The following GRM3 variants were observed in gnomAD, a reference collection of about 807,000 sequenced individuals.
GRM3 encodes glutamate metabotropic receptor 3, also known as metabotropic glutamate receptor 3.
GRM3 carries 26 observed loss-of-function variants against 70.5 expected under a neutral mutation model. The ratio of observed to expected loss-of-function variants is 0.37; its 90% CI spans 0.27 to 0.51. The LOEUF is 0.51. Among genes scored for constraint, GRM3 ranks in the 20% least tolerant of loss-of-function variants. The pLI is 0.93. For synonymous variants in GRM3, 443 were observed against 434.9 expected, an observed-to-expected ratio of 1.02 and a Z score of -0.23; for missense variants, 859 against 1,123.8, an observed-to-expected ratio of 0.76 and a Z score of 3.37.
intron 3 of GRM3, among the ~76,000 whole-genome samples, chr7:86,790,690 C>T (rs189058348): frequency 6.6e-6 from 1 of 152,276 alleles, no homozygotes; most frequent in East Asian, 1.9e-4. Flanking sequence ...TCACTCCAGC[C>T]ACCCTTGTTT....
chr7:86,718,222 T>G (rs910910400), intron 1 of GRM3, among the ~76,000 whole-genome samples: 2 of 152,002 alleles, frequency 1.3e-5, no homozygotes, highest in Non-Finnish European at 2.9e-5. Context: ...TTTATCTTGG[T>G]ATCATAAAGC....
At chr7:86,681,769 A>G (rs976950261) in intron 1 of GRM3, among the ~76,000 whole-genome samples, 4 of 152,228 alleles carry the variant, frequency 2.6e-5, no homozygotes, top group African/African-American at 9.6e-5. Flanking sequence ...GATTTCAACA[A>G]GCACAGAAAC....
At chr7:86,849,482 G>A (rs1798718795) in intron 4 of GRM3, among the ~76,000 whole-genome samples, 1 of 152,148 alleles carries the variant, frequency 6.6e-6, no homozygotes, top group Admixed American at 6.5e-5. Flanking sequence ...GGCTTCTCCA[G>A]TTATGTGTTC....
At chr7:86,746,341 T>TTATATATATATATATA (rs59930404) in intron 1 of GRM3, among the ~76,000 whole-genome samples, 142 of 87,342 alleles carry the variant, frequency 1.6e-3, no homozygotes, top group South Asian at 2.6e-3. Flanking sequence ...CAGTCATGTA[T>TTATATATATATATATA]TATATATATA....
At chr7:86,802,169 T>C (rs546130655) in intron 3 of GRM3, among the ~76,000 whole-genome samples, 1 of 152,316 alleles carries the variant, frequency 6.6e-6, no homozygotes, top group African/African-American at 2.4e-5. Flanking sequence ...TAAGTTTAAA[T>C]GTGTCTCAAA....
intron 3 of GRM3, among the ~76,000 whole-genome samples, chr7:86,829,760 C>A (rs903009262): frequency 6.6e-6 from 1 of 152,116 alleles, no homozygotes. Context: ...GATCACAGAT[C>A]ACTATTACAG....
intron 1 of GRM3, among the ~76,000 whole-genome samples, chr7:86,698,520 T>TA (rs1794877844): frequency 1.4e-5 from 2 of 142,160 alleles, no homozygotes; most frequent in African/African-American, 5.4e-5. Flanking sequence ...TAAAAAGTAT[T>TA]TATATATATA....
At chr7:86,843,572 A>G (rs887026964) in intron 4 of GRM3, among the ~76,000 whole-genome samples, 4 of 152,210 alleles carry the variant, frequency 2.6e-5, no homozygotes, top group Non-Finnish European at 5.9e-5. Context: ...GATCTAATAC[A>G]TAGCTTAAAT....
intron 3 of GRM3, among the ~76,000 whole-genome samples, chr7:86,805,341 C>T (rs1248741132): frequency 3.3e-5 from 5 of 151,920 alleles, no homozygotes; most frequent in Admixed American, 6.6e-5. Context: ...AGAGAGTTCC[C>T]ACATACTCCT....
chr7:86,760,989 TATC>T (rs1796466001), intron 1 of GRM3, among the ~76,000 whole-genome samples: 1 of 152,122 alleles, frequency 6.6e-6, no homozygotes, highest in Non-Finnish European at 1.5e-5. Context: ...ACTTAACAAT[TATC>T]ATGTTGAAGG....
At chr7:86,775,020 T>G (rs1305027136) in intron 2 of GRM3, 1 of 152,110 alleles carries the variant, frequency 6.6e-6, no homozygotes, top group African/African-American at 2.4e-5. Flanking sequence ...TACATGTAAC[T>G]CCTTGATCTA....
intron 1 of GRM3, among the ~76,000 whole-genome samples, chr7:86,714,852 C>T (rs997612877): frequency 2.0e-5 from 3 of 151,920 alleles, no homozygotes; most frequent in African/African-American, 4.8e-5. Context: ...GCACTATTCT[C>T]TCTTTAAAGA....
chr7:86,817,718 A>T lies in GRM3; in HGVS notation c.1325-21121A>T, dbSNP rs190242522. Among the ~76,000 whole-genome samples, 4 of 152,148 alleles carry T rather than the reference A, an allele frequency of 2.6e-5. No individual in the cohort carries two copies. The East Asian group carries it at 7.7e-4, about 29-fold the overall frequency. The stretch of plus-strand genomic sequence containing the variant: ...TTTATCCTTGCAGTAATATTAAAGC[A>T]CATACTACATGTGAGGCCCTATACC... On this transcript the variant is annotated intron_variant, in intron 3 of 5. Coordinates refer to ENST00000361669, the MANE Select transcript of GRM3 (RefSeq NM_000840.3).
chr7:86,681,294 G>T (rs1794434440), intron 1 of GRM3, among the ~76,000 whole-genome samples: 3 of 152,142 alleles, frequency 2.0e-5, no homozygotes, highest in Admixed American at 2.0e-4. Context: ...CCACAATTCA[G>T]TGTCTCAGAG....
intron 3 of GRM3, among the ~76,000 whole-genome samples, chr7:86,830,294 G>T (rs1447401650): frequency 6.6e-6 from 1 of 152,130 alleles, no homozygotes; most frequent in Admixed American, 6.5e-5. Context: ...TCTCCCACAA[G>T]GCCCCAGTGA....
intron 3 of GRM3, among the ~76,000 whole-genome samples, chr7:86,790,962 T>A (rs1797399546): frequency 6.6e-6 from 1 of 152,146 alleles, no homozygotes; most frequent in Non-Finnish European, 1.5e-5. Context: ...TACTACATCA[T>A]CTATTACTTT....
intron 3 of GRM3, among the ~76,000 whole-genome samples, chr7:86,813,665 C>T (rs1364883745): frequency 2.0e-5 from 3 of 151,720 alleles, no homozygotes; most frequent in Admixed American, 6.6e-5. Context: ...TAACAGGCCA[C>T]ACATTGGTTC....
intron 2 of GRM3, among the ~76,000 whole-genome samples, chr7:86,771,589 T>A (rs754165507): frequency 1.3e-5 from 2 of 152,076 alleles, no homozygotes; most frequent in Non-Finnish European, 2.9e-5. Flanking sequence ...TAGAACATTA[T>A]CATGTAGTCT....
At chr7:86,805,774 GT>G (rs1434655874) in intron 3 of GRM3, among the ~76,000 whole-genome samples, 1 of 152,116 alleles carries the variant, frequency 6.6e-6, no homozygotes, top group Non-Finnish European at 1.5e-5. Flanking sequence ...TATATTTTAA[GT>G]TCTAGGGTAC....
Sources: allele counts gnomAD v4.1 joint callset (sites outside exome capture counted in the v4.1 genomes callset), GRCh38; gene constraint gnomAD v4.1.1; transcripts MANE v1.5; gene names NCBI Gene and HGNC (gene_info 2026-07-23, HGNC 2026-07-21).